The following RGPD5 variants were observed in gnomAD, a reference collection of about 807,000 sequenced individuals.
The protein encoded by RGPD5 is RANBP2-like and GRIP domain-containing protein 5/6.
At chr2:109,766,085 G>C in the RGPD5 span, among the ~76,000 whole-genome samples, 1 of 150,330 alleles carries the variant, frequency 6.7e-6, no homozygotes, top group Non-Finnish European at 1.5e-5. Flanking sequence ...GTAGACAGCA[G>C]CTCTGCAGAG....
At chr2:109,765,507 A>G in the RGPD5 span, among the ~76,000 whole-genome samples, 6 of 150,414 alleles carry the variant, frequency 4.0e-5, 1 homozygote, top group African/African-American at 1.5e-4. Flanking sequence ...ATACCCATAA[A>G]TACCTGCAAT....
At chr2:109,767,053 A>G in the RGPD5 span, among the ~76,000 whole-genome samples, 1 of 142,774 alleles carries the variant, frequency 7.0e-6, no homozygotes, top group East Asian at 2.2e-4. Context: ...TCCTATTCTC[A>G]GTCTTGGTTT....
At chr2:109,763,249 T>G in the RGPD5 span, among the ~76,000 whole-genome samples, 1 of 150,532 alleles carries the variant, frequency 6.6e-6, no homozygotes, top group African/African-American at 2.4e-5. Flanking sequence ...GTATTATTTA[T>G]CAGACACTGT....
the RGPD5 span, among the ~76,000 whole-genome samples, chr2:109,766,461 G>A: frequency 1.3e-5 from 2 of 150,628 alleles, no homozygotes; most frequent in South Asian, 4.3e-4. Context: ...AACCCAGGGA[G>A]TGTGCACCTT....
chr2:109,764,261 G>A, the RGPD5 span, among the ~76,000 whole-genome samples: 3 of 148,384 alleles, frequency 2.0e-5, no homozygotes, highest in Non-Finnish European at 4.4e-5. Context: ...TGAAGAGTTG[G>A]GCATTCCGTG....
chr2:109,761,038 A>C, the RGPD5 span, among the ~76,000 whole-genome samples: 1 of 138,904 alleles, frequency 7.2e-6, no homozygotes, highest in Non-Finnish European at 1.6e-5. Context: ...AGCCAGGGGC[A>C]GAGCGCAGCC....
chr2:109,774,522 T>TATAA, the RGPD5 span, among the ~76,000 whole-genome samples: 19 of 83,298 alleles, frequency 2.3e-4, no homozygotes, highest in African/African-American at 1.3e-3. Flanking sequence ...ATAATATATA[T>TATAA]TATATATATT....
chr2:109,774,505 T>TATATTATATATATAAA, the RGPD5 span, among the ~76,000 whole-genome samples: 16 of 32,070 alleles, frequency 5.0e-4, 2 homozygotes, highest in South Asian at 3.7e-3. Context: ...CAAACATATA[T>TATATTATATATATAAA]ATATATATAA....
rs1400706626 is a variant in RGPD5 at position 109,794,697 on chromosome 2, C to A, written c.72+160C>A. 3.6e-5 allele frequency: 27 copies of A among 743,414 alleles called. No individual in the cohort carries two copies. In the African/African-American group the frequency reaches 6.6e-4, roughly 18 times the overall value. The allele number at this position is 743,414 out of a possible 1,614,324, so 46.1% of individuals were successfully genotyped here. Reference sequence around the variant, plus strand: ...TCCGTGGCGCGCTCTGTTGAGGCGCCGGCCGGCTGGCGCAGTCCTGTGGGC... The same window carrying A: ...TCCGTGGCGCGCTCTGTTGAGGCGCAGGCCGGCTGGCGCAGTCCTGTGGGC... On this transcript the variant is annotated intron_variant, in intron 1 of 22. Transcript: ENST00000016946.
At chr2:109,764,527 G>A in the RGPD5 span, among the ~76,000 whole-genome samples, 3 of 149,892 alleles carry the variant, frequency 2.0e-5, no homozygotes, top group Non-Finnish European at 2.9e-5. Context: ...TGAGTAAGGC[G>A]TAGGTTGTAC....
chr2:109,764,849 GTC>G, the RGPD5 span, among the ~76,000 whole-genome samples: 3 of 121,850 alleles, frequency 2.5e-5, no homozygotes, highest in Non-Finnish European at 4.9e-5. Context: ...TACCTATACT[GTC>G]TCTTTTAAAG....
At chr2:109,766,332 T>C in the RGPD5 span, among the ~76,000 whole-genome samples, 2 of 150,740 alleles carry the variant, frequency 1.3e-5, no homozygotes, top group Non-Finnish European at 2.9e-5. Flanking sequence ...GTGGAGGAGC[T>C]CAGCCCTTGT....
At chr2:109,794,809 G>GGCTTGTTCCCGAC in intron 1 of RGPD5, 1 of 226,982 alleles carries the variant, frequency 4.4e-6, no homozygotes, top group Non-Finnish European at 5.2e-6. Context: ...TCTTAATCCC[G>GGCTTGTTCCCGAC]GCTTGTTCCC....
chr2:109,766,026 CAGA>C, the RGPD5 span, among the ~76,000 whole-genome samples: 1 of 150,040 alleles, frequency 6.7e-6, no homozygotes, highest in Non-Finnish European at 1.5e-5. Context: ...AAAGAAAGGG[CAGA>C]AGGAGAGTGC....
the RGPD5 span, among the ~76,000 whole-genome samples, chr2:109,766,489 T>C: frequency 5.3e-5 from 8 of 150,588 alleles, no homozygotes; most frequent in African/African-American, 1.9e-4. Flanking sequence ...GGATAGGTTT[T>C]TAACCAAATG....
At chr2:109,765,926 C>T in the RGPD5 span, among the ~76,000 whole-genome samples, 1 of 150,496 alleles carries the variant, frequency 6.6e-6, no homozygotes, top group Non-Finnish European at 1.5e-5. Flanking sequence ...CTTCAGGTGC[C>T]TCTACCCTTT....
intron 1 of RGPD5, 77 bp downstream of exon 1, chr2:109,794,614 G>GCGGCGGCGGCGGC (rs1553471502): frequency 1.4e-5 from 1 of 72,260 alleles, no homozygotes; most frequent in African/African-American, 1.1e-4. Flanking sequence ...GCGGCGGGGG[G>GCGGCGGCGGCGGC]GGCGGCGGCG....
At chr2:109,794,594 GGCGGCGGCGGCGGC>G in intron 1 of RGPD5, 57 bp downstream of exon 1, 4 of 903,574 alleles carry the variant, frequency 4.4e-6, no homozygotes, top group Admixed American at 1.3e-4. Context: ...GGGCGGCGGC[GGCGGCGGCGGCGGC>G]GGGGGGGGCG....
the RGPD5 span, among the ~76,000 whole-genome samples, chr2:109,767,252 A>G: frequency 6.7e-6 from 1 of 148,424 alleles, no homozygotes; most frequent in South Asian, 2.3e-4. Flanking sequence ...TCAGCAGTCC[A>G]TGCGGTGCAG....
Sources: gnomAD v4.1 joint callset for allele counts (sites outside exome capture counted in the v4.1 genomes callset) on GRCh38, gnomAD v4.1.1 for gene constraint, MANE v1.5 for transcripts, NCBI Gene and HGNC (gene_info 2026-07-23, HGNC 2026-07-21) for gene names.